The following PNPLA1 variants were observed in gnomAD, a reference collection of about 807,000 sequenced individuals.
PNPLA1 encodes the protein patatin like domain 1, omega-hydroxyceramide transacylase, also known as omega-hydroxyceramide transacylase.
Under a neutral mutation model 51.7 loss-of-function variants are expected in PNPLA1, and 36 were observed. The ratio of observed to expected loss-of-function variants is 0.70; its 90% CI spans 0.53 to 0.92. PNPLA1 has a LOEUF of 0.92. PNPLA1 is among the 40% of genes least tolerant of loss of function. The pLI is 0.00. For missense variants in PNPLA1, 658 were observed against 682.5 expected, an observed-to-expected ratio of 0.96 and a Z score of 0.40; for synonymous variants, 293 against 280.1, an observed-to-expected ratio of 1.05 and a Z score of -0.46.
upstream of PNPLA1, among the ~76,000 whole-genome samples, chr6:36,268,474 T>G (rs1283837858): frequency 6.6e-6 from 1 of 152,146 alleles, no homozygotes; most frequent in East Asian, 1.9e-4. Flanking sequence ...CCCTTCATCC[T>G]GTGAAACAGG....
intron 1 of PNPLA1, among the ~76,000 whole-genome samples, chr6:36,261,232 A>G (rs143858586): frequency 2.0e-5 from 3 of 152,362 alleles, no homozygotes; most frequent in Non-Finnish European, 2.9e-5. Flanking sequence ...GGTTGTTTCC[A>G]GTGTTTTGCT....
chr6:36,303,841 A>G (rs1263720733), intron 6 of PNPLA1, among the ~76,000 whole-genome samples: 1 of 152,184 alleles, frequency 6.6e-6, no homozygotes, highest in African/African-American at 2.4e-5. Flanking sequence ...TAAAAAATAT[A>G]TATATATCAG....
intron 1 of PNPLA1, among the ~76,000 whole-genome samples, chr6:36,251,163 G>A (rs2127311375): frequency 6.6e-6 from 1 of 152,070 alleles, no homozygotes; most frequent in East Asian, 1.9e-4. Context: ...TCCTGATACT[G>A]CCACTATTCA....
intron 1 of PNPLA1, among the ~76,000 whole-genome samples, chr6:36,282,077 G>GAAAGAAAGAAAGAAAGAAAGAAAGA (rs1561859246): frequency 1.2e-4 from 15 of 127,504 alleles, no homozygotes; most frequent in African/African-American, 4.1e-4. Flanking sequence ...AAGAAAGAAA[G>GAAAGAAAGAAAGAAAGAAAGAAAGA]AAAGAAAGAA....
At chr6:36,263,734 C>A (rs112545987) in intron 1 of PNPLA1, among the ~76,000 whole-genome samples, 2,439 of 137,872 alleles carry the variant, frequency 0.018, 60 homozygotes, top group African/African-American at 0.057. Context: ...AGGGCTACCC[C>A]ATTCTTAGAG....
rs61028238 is a variant in PNPLA1, at chr6:36,294,124, C to T, written c.505-66C>T. 1.8e-3 allele frequency: 2,826 copies of T among 1,570,360 alleles called. 43 individuals carry two copies. The African/African-American group carries it at 0.032, about 18-fold the overall frequency. On this transcript the variant is annotated intron_variant, in intron 3 of 8. Coordinates refer to ENST00000636260, the MANE Select transcript of PNPLA1 (RefSeq NM_001374623.1). This position sits in a 1 kb window ranked among gnomAD's most constrained non-coding sequence, Gnocchi z 4.2. ...TGGTGCCATATCCCATGGGCCATTT[C>T]GATGTACCCCGAGTGGGGCTGAGAA...
At chr6:36,300,178 T>TGTGTGTGTGTGTGTGAGAGA in intron 5 of PNPLA1, among the ~76,000 whole-genome samples, 2 of 98,088 alleles carry the variant, frequency 2.0e-5, no homozygotes, top group African/African-American at 6.7e-5. Flanking sequence ...TGTGTGTGTG[T>TGTGTGTGTGTGTGTGAGAGA]GAGAGAGAGA....
chr6:36,250,893 G>A (rs184443379), intron 1 of PNPLA1, among the ~76,000 whole-genome samples: 10 of 152,226 alleles, frequency 6.6e-5, no homozygotes, highest in African/African-American at 2.2e-4. Context: ...TAGTAGAGCC[G>A]GGGTTTCACC....
chr6:36,286,444 C>A (rs1269158816), intron 1 of PNPLA1, among the ~76,000 whole-genome samples: 2 of 151,964 alleles, frequency 1.3e-5, no homozygotes, highest in Non-Finnish European at 2.9e-5. Flanking sequence ...AGAGTGAGAC[C>A]CTGTTTCTAC....
rs181798724 is a variant in PNPLA1 at position 36,309,604 on chromosome 6, G to A, written c.1595+1892G>A. The stretch of plus-strand genomic sequence containing the variant: ...GTTAACAAACCTTCTGGGAATGAAG[G>A]TGCTTTACAAAGAAGCAGGCTGTGA... On this transcript the variant is annotated intron_variant, in intron 8 of 8. Coordinates refer to ENST00000636260, the MANE Select transcript of PNPLA1 (RefSeq NM_001374623.1). 1.7e-3 allele frequency among the ~76,000 whole-genome samples: 255 copies of A among 152,326 alleles called. 6 individuals are homozygous for A. In the South Asian group the frequency reaches 0.033, roughly 20 times the overall value.
Position 36,302,027 on chromosome 6 carries a change from G to T in PNPLA1, c.942G>T (p.Trp314Cys), listed in dbSNP as rs1279973799. 1.9e-6 allele frequency: 3 copies of T among 1,614,096 alleles called. No individual in the cohort carries two copies. Among genetic ancestry groups the T allele is most frequent in the African/African-American group, 1.3e-5 (1 of 74,918 alleles). ...LEGATQPHKE[W>C]VPKGDGRGSH... ...GAGCCACACAACCTCACAAGGAGTG[G>T]GTTCCCAAAGGGGATGGAAGGGGCA... Residue 314 changes from tryptophan to cysteine, a missense_variant, in exon 6 of 9, where the codon TGG becomes TGT. Trp to Cys is a radical substitution (Grantham distance 215). Transcript: ENST00000636260.
intron 1 of PNPLA1, among the ~76,000 whole-genome samples, chr6:36,289,092 T>TA (rs1428732261): frequency 5.3e-5 from 8 of 152,222 alleles, no homozygotes; most frequent in Non-Finnish European, 1.5e-5. Context: ...TGTTAGTCTC[T>TA]AGGAGGAGGG....
upstream of PNPLA1, among the ~76,000 whole-genome samples, chr6:36,266,863 C>T (rs1052703089): frequency 4.6e-5 from 7 of 152,128 alleles, no homozygotes; most frequent in Non-Finnish European, 8.8e-5. Flanking sequence ...CCTACTCTAC[C>T]GAATCAAGAA....
rs772751363 is a variant in PNPLA1 at position 36,302,240 on chromosome 6, T to C, written c.1155T>C (p.Pro385=). Residue 385 remains proline (P), a synonymous_variant, in exon 6 of 9, where the codon CCT becomes CCC. Transcript: ENST00000636260. ...PAVHKPPSST[P]GSSLPTPPPG... ...TGCACAAGCCACCCAGCTCCACACC[T>C]GGTTCATCACTGCCCACCCCACCAC... The C allele has an allele frequency of 6.2e-7, 1 of 1,614,180 alleles. No homozygotes were observed. The highest frequency in any genetic ancestry group is 8.5e-7 in the Non-Finnish European group (1 of 1,180,028).
Position 36,291,477 on chromosome 6 carries a change from T to C in PNPLA1, c.363T>C (p.His121=), listed in dbSNP as rs1770678525. The C allele has an allele frequency of 1.2e-6, 2 of 1,612,976 alleles. No homozygotes were observed. The highest frequency in any genetic ancestry group is 1.1e-5 in the South Asian group (1 of 91,054). ...DSYKVTTGKL[H]VSLTRLTDGE... is the part of the protein sequence containing the mutation. ...ACAAGGTCACCACGGGGAAGCTCCA[T>C]GTGAGCCTCACCCGCTTAACGGACG... Residue 121 remains histidine (H), a synonymous_variant, in exon 2 of 9, where the codon CAT becomes CAC. Transcript: ENST00000636260.
At chr6:36,282,175 CAGAG>C (rs1168556252) in intron 1 of PNPLA1, among the ~76,000 whole-genome samples, 2 of 51,156 alleles carry the variant, frequency 3.9e-5, no homozygotes, top group East Asian at 5.4e-4. Flanking sequence ...AAGAAAGAGA[CAGAG>C]AGAAAGAAAG....
intron 1 of PNPLA1, among the ~76,000 whole-genome samples, chr6:36,272,513 G>C (rs1427648119): frequency 2.6e-5 from 4 of 152,196 alleles, no homozygotes; most frequent in Non-Finnish European, 1.5e-5. Context: ...TATAGGATTG[G>C]CTGAGCTAAT....
At position 36,293,126 on chromosome 6, in the gene PNPLA1, G is replaced by A. The variant is rs1351004249; in HGVS notation, c.504G>A (p.Val168=). ...CGLIPPTYRG[V]RYIDGGFTGM... ...TCATCCCCCCGACTTACCGCGGTGT[G>A]GTGAGTGCTTCGGCATGGTGAGGGG... The change falls in exon 3 of 9, where the codon GTG becomes GTA. Residue 168 remains valine (V), a splice_region_variant and synonymous_variant. Coordinates refer to ENST00000636260, the MANE Select transcript of PNPLA1 (RefSeq NM_001374623.1). 1 of 1,613,964 alleles carries A rather than the reference G, an allele frequency of 6.2e-7. No individual in the cohort carries two copies. Among genetic ancestry groups the A allele is most frequent in the South Asian group, 1.1e-5 (1 of 91,076 alleles).
chr6:36,270,052 G>A (rs937387009), upstream of PNPLA1, among the ~76,000 whole-genome samples: 2 of 152,238 alleles, frequency 1.3e-5, no homozygotes, highest in Non-Finnish European at 2.9e-5. Flanking sequence ...GGCAGAGCCC[G>A]CCTCCTTGGG....
Sources: gnomAD v4.1 joint callset for allele counts (sites outside exome capture counted in the v4.1 genomes callset) on GRCh38, gnomAD v4.1.1 for gene constraint, Gnocchi (gnomAD v3.1) non-coding constraint, MANE v1.5 for transcripts, NCBI Gene and HGNC (gene_info 2026-07-23, HGNC 2026-07-21) for gene names.